Variants in SYBU observed in about 807,000 individuals in gnomAD.
The protein encoded by SYBU is GOLSYN A protein.
Under a neutral mutation model 35.9 loss-of-function variants are expected in SYBU, and 21 were observed. That is an observed-to-expected ratio of 0.58 (90% CI 0.41 to 0.84). The LOEUF is 0.84. Among genes scored for constraint, SYBU ranks in the 40% least tolerant of loss-of-function variants. The pLI, the probability that SYBU is intolerant of heterozygous loss-of-function variation, is 0.00. For missense variants in SYBU, 768 were observed against 848.2 expected, an observed-to-expected ratio of 0.91 and a Z score of 1.17; for synonymous variants, 319 against 324.3, an observed-to-expected ratio of 0.98 and a Z score of 0.18.
At chr8:109,613,808 A>ACTAACCTTGTTGGTG (rs1811452134) in intron 3 of SYBU, among the ~76,000 whole-genome samples, 1 of 152,370 alleles carries the variant, frequency 6.6e-6, no homozygotes, top group Admixed American at 6.5e-5. Flanking sequence ...TTGATTAACC[A>ACTAACCTTGTTGGTG]CTAACCTTGT....
chr8:109,624,836 T>C (rs1424776274), intron 2 of SYBU, among the ~76,000 whole-genome samples: 1 of 152,204 alleles, frequency 6.6e-6, no homozygotes, highest in African/African-American at 2.4e-5. Context: ...TAAATTGTTA[T>C]TGGAACACAG....
At chr8:109,582,479 GA>G (rs1228942820) in intron 4 of SYBU, among the ~76,000 whole-genome samples, 1 of 152,122 alleles carries the variant, frequency 6.6e-6, no homozygotes, top group Non-Finnish European at 1.5e-5. Context: ...TGGTGGACAA[GA>G]AAAACGCAGT....
At chr8:109,680,974 G>C (rs1300246552) in exon 1 of SYBU, 1 of 152,234 alleles carries the variant, frequency 6.6e-6, no homozygotes, top group African/African-American at 2.4e-5. Context: ...GACGCAGCCT[G>C]ACAAAGCTTC....
intron 1 of SYBU, among the ~76,000 whole-genome samples, chr8:109,689,854 A>AAAAAAAC (rs1286570525): frequency 2.1e-5 from 3 of 143,400 alleles, no homozygotes; most frequent in African/African-American, 5.2e-5. Context: ...AAAAAAAAAA[A>AAAAAAAC]ACCATGACTA....
At chr8:109,660,184 C>A (rs1222573374) in intron 1 of SYBU, among the ~76,000 whole-genome samples, 1 of 152,040 alleles carries the variant, frequency 6.6e-6, no homozygotes, top group Non-Finnish European at 1.5e-5. Context: ...AAGTAAAAGT[C>A]TTTTTACTTG....
At chr8:109,583,003 G>T (rs866893016) in intron 4 of SYBU, among the ~76,000 whole-genome samples, 2 of 152,062 alleles carry the variant, frequency 1.3e-5, no homozygotes, top group Non-Finnish European at 2.9e-5. Context: ...CATTTCTGTT[G>T]TTTAGGCCAT....
chr8:109,645,323 A>G (rs931426694), upstream of SYBU: 3 of 456,534 alleles, frequency 6.6e-6, no homozygotes, highest in Non-Finnish European at 1.3e-5. Context: ...CAGGACCGAC[A>G]CAGCCTCTGG....
In SYBU at chr8:109,579,888, A is replaced by C; in HGVS notation, c.645T>G (p.Pro215=). The C allele has an allele frequency of 1.2e-6, 2 of 1,614,126 alleles. No individual in the cohort carries two copies. The highest frequency in any genetic ancestry group is 1.7e-6 in the Non-Finnish European group (2 of 1,180,008). Residue 215 remains proline (P), a synonymous_variant, in exon 5 of 7, where the codon CCT becomes CCG. Coordinates refer to ENST00000276646, the MANE Select transcript of SYBU (RefSeq NM_001099754.2). Reference sequence around the variant, plus strand: ...GTGCATAACTGGGATGGATATTGACAGGGCTCAGCTGATTCCTGCACAGCA... The same window carrying C: ...GTGCATAACTGGGATGGATATTGACCGGGCTCAGCTGATTCCTGCACAGCA... The part of the protein sequence containing the change: ...LSMLCRNQLS[P]VNIHPSYAPS...
chr8:109,632,153 G>T lies in SYBU; in HGVS notation c.229+10575C>A, dbSNP rs546423486. ...TAACCTCTCCCTCCAGGGTTCAAGC[G>T]ATTCTCCTGCCTAAGCCTCCTGAAT... On this transcript the variant is annotated intron_variant, in intron 2 of 6. Transcript: ENST00000276646. 1.1e-4 allele frequency among the ~76,000 whole-genome samples: 17 copies of T among 152,268 alleles called. No homozygotes were observed. In the South Asian group the frequency reaches 3.3e-3, roughly 30 times the overall value.
chr8:109,645,212 T>C, upstream of SYBU: 1 of 456,692 alleles, frequency 2.2e-6, no homozygotes, highest in South Asian at 1.5e-5. Context: ...CCACCCCTCC[T>C]TGGCCTCCAG....
intron 2 of SYBU, among the ~76,000 whole-genome samples, chr8:109,634,723 A>C (rs1033119357): frequency 5.9e-5 from 9 of 152,218 alleles, no homozygotes; most frequent in Admixed American, 1.3e-4. Context: ...AAGAAATTTT[A>C]AAACCAGATA....
At chr8:109,588,135 T>C (rs568840488) in intron 3 of SYBU, among the ~76,000 whole-genome samples, 1 of 152,362 alleles carries the variant, frequency 6.6e-6, no homozygotes, top group Non-Finnish European at 1.5e-5. Context: ...AGGTTTAAGA[T>C]ACTATTTTCT....
intron 1 of SYBU, among the ~76,000 whole-genome samples, chr8:109,686,687 T>A (rs1324693775): frequency 1.1e-4 from 16 of 150,066 alleles, no homozygotes. Flanking sequence ...TTCTCACAGT[T>A]AATAAGTTGA....
chr8:109,678,121 C>T (rs796282387), intron 1 of SYBU, among the ~76,000 whole-genome samples: 34 of 94,864 alleles, frequency 3.6e-4, no homozygotes, highest in African/African-American at 1.1e-3. Flanking sequence ...GCAAGAAGAG[C>T]GAAACTCCAC....
intron 3 of SYBU, among the ~76,000 whole-genome samples, chr8:109,605,054 T>C (rs1484605821): frequency 6.6e-6 from 1 of 152,074 alleles, no homozygotes; most frequent in East Asian, 1.9e-4. Flanking sequence ...ACTCTCCTGA[T>C]GGAAAAGGAT....
At chr8:109,656,326 G>T (rs1816354217) in intron 1 of SYBU, among the ~76,000 whole-genome samples, 2 of 152,076 alleles carry the variant, frequency 1.3e-5, no homozygotes, top group South Asian at 4.1e-4. Context: ...GTGAACACCT[G>T]GAATTTTTGC....
intron 1 of SYBU, among the ~76,000 whole-genome samples, chr8:109,690,876 G>A (rs992500277): frequency 6.6e-6 from 1 of 152,128 alleles, no homozygotes; most frequent in Admixed American, 6.5e-5. Context: ...GTCCTCTGGG[G>A]ACTTGGGACT....
intron 1 of SYBU, among the ~76,000 whole-genome samples, chr8:109,690,217 TA>T (rs35259194): frequency 0.1 from 15,306 of 151,466 alleles, 830 homozygotes; most frequent in Non-Finnish European, 0.12. Flanking sequence ...CTGAAGCATA[TA>T]AAAAAAAATG....
intron 3 of SYBU, among the ~76,000 whole-genome samples, chr8:109,590,878 A>G (rs1422682243): frequency 6.6e-6 from 1 of 152,188 alleles, no homozygotes; most frequent in East Asian, 1.9e-4. Flanking sequence ...TATCAACACC[A>G]CTAAAAATAT....
Sources: gnomAD v4.1 joint callset for allele counts (sites outside exome capture counted in the v4.1 genomes callset) on GRCh38, gnomAD v4.1.1 for gene constraint, MANE v1.5 for transcripts, NCBI Gene and HGNC (gene_info 2026-07-23, HGNC 2026-07-21) for gene names.